SH3BGRL2: variants seen among roughly 807,000 people sequenced by gnomAD.
SH3BGRL2 encodes the protein SH3 domain binding glutamate rich protein like 2.
Under a neutral mutation model 14.8 loss-of-function variants are expected in SH3BGRL2, and 21 were observed. The ratio of observed to expected loss-of-function variants is 1.42; its 90% confidence interval spans 1.01 to 2.05. SH3BGRL2 has a LOEUF of 2.05. SH3BGRL2 is among the 30% of genes most tolerant of loss of function. The pLI is 0.00. For missense variants in SH3BGRL2, 147 were observed against 130.8 expected (o/e 1.12, Z -0.61); for synonymous variants, 50 against 47.8 (o/e 1.05, Z -0.19).
chr6:79,692,932 A>G (rs543253118), intron 2 of SH3BGRL2, among the ~76,000 whole-genome samples: 2 of 152,282 alleles, frequency 1.3e-5, no homozygotes, highest in South Asian at 2.1e-4. Context: ...CATTTAATCT[A>G]TAAATTACCT....
chr6:79,561,375 A>T, the SH3BGRL2 span: 1 of 152,278 alleles, frequency 6.6e-6, no homozygotes, highest in African/African-American at 2.4e-5. Flanking sequence ...GAGTTGGGAA[A>T]ATAGAGAACA....
At chr6:79,579,909 C>T in the SH3BGRL2 span, among the ~76,000 whole-genome samples, 578 of 152,188 alleles carry the variant, frequency 3.8e-3, 7 homozygotes, top group African/African-American at 0.013. Flanking sequence ...ACCCATCTCA[C>T]GTGCAGAGAC....
chr6:79,657,375 G>A (rs1405586551), intron 1 of SH3BGRL2, among the ~76,000 whole-genome samples: 1 of 152,090 alleles, frequency 6.6e-6, no homozygotes, highest in East Asian at 1.9e-4. Flanking sequence ...CCAGTATTTG[G>A]TAGCTGAAGG....
the SH3BGRL2 span, among the ~76,000 whole-genome samples, chr6:79,587,744 T>C: frequency 6.6e-6 from 1 of 152,244 alleles, no homozygotes; most frequent in Non-Finnish European, 1.5e-5. Context: ...CACATTTTAC[T>C]TGATGTCAAT....
the SH3BGRL2 span, among the ~76,000 whole-genome samples, chr6:79,563,194 G>T: frequency 6.6e-6 from 1 of 150,988 alleles, no homozygotes; most frequent in Admixed American, 6.6e-5. Context: ...AGCCAGGATG[G>T]TCTTGATCTC....
At chr6:79,583,960 T>C in the SH3BGRL2 span, among the ~76,000 whole-genome samples, 1 of 152,178 alleles carries the variant, frequency 6.6e-6, no homozygotes, top group Non-Finnish European at 1.5e-5. Flanking sequence ...CGGATCTAAT[T>C]GTCACTATTT....
chr6:79,661,814 C>T (rs893491136), intron 1 of SH3BGRL2, among the ~76,000 whole-genome samples: 3 of 152,104 alleles, frequency 2.0e-5, no homozygotes, highest in Admixed American at 2.0e-4. Flanking sequence ...TCTGGGTGCT[C>T]CTGTATTGGA....
chr6:79,702,682 T>TGAG lies in SH3BGRL2; in HGVS notation c.*3175_*3177dup, dbSNP rs376664590. The TGAG allele has an allele frequency of 2.0e-5, 3 of 152,324 alleles. No homozygotes were observed. The highest frequency in any genetic ancestry group is 2.9e-5 in the Non-Finnish European group (2 of 68,036). The allele number at this position is 152,324 out of a possible 1,614,324, so 9.4% of individuals were successfully genotyped here. On this transcript the variant is annotated 3_prime_UTR_variant, in exon 4 of 4. Transcript: ENST00000369838. Reference sequence around the variant, plus strand: ...GTGTGATCATTCAAGGAGCCAGACATGAGGTCCTGCACGAGGGTGTTGGGA... The same window carrying TGAG: ...GTGTGATCATTCAAGGAGCCAGACATGAGGAGGTCCTGCACGAGGGTGTTGGGA...
the SH3BGRL2 span, among the ~76,000 whole-genome samples, chr6:79,570,427 A>C: frequency 6.6e-6 from 1 of 152,218 alleles, no homozygotes; most frequent in Non-Finnish European, 1.5e-5. Context: ...AACAAATTGC[A>C]CATTGGACTA....
rs1354278046 is a variant in SH3BGRL2, at chr6:79,631,480, A to G, written c.19A>G (p.Ile7Val). 1.3e-6 allele frequency: 2 copies of G among 1,503,474 alleles called. No individual in the cohort carries two copies. The highest frequency in any genetic ancestry group is 2.9e-5 in the African/African-American group (2 of 69,640). 93.1% of individuals were successfully genotyped at this position (1,503,474 alleles called of 1,614,324 possible). MVIRVFIASSSGFVAIK... is the reference protein window; with the variant it reads MVIRVFVASSSGFVAIK... ...CGAGAGGATGGTCATCCGCGTGTTC[A>G]TCGCCTCTTCCTCGGGCTTCGTGGC... The change falls in exon 1 of 4, where the codon ATC becomes GTC. Residue 7 changes from isoleucine (I) to valine (V), a missense_variant. Transcript: ENST00000369838.
chr6:79,696,551 C>T lies in SH3BGRL2; in HGVS notation c.298C>T (p.Arg100Trp), dbSNP rs375447286. ...CTTTTCATTTTTAGGCCTGAAACCA[C>T]GGTTGGCATCAAAGGTAGGTAAATC... ...TVFSFLGLKP[R>W]LASKAEP Residue 100 changes from arginine to tryptophan, a missense_variant, in exon 3 of 4, where the codon CGG (arginine) becomes TGG (tryptophan). Transcript: ENST00000369838. 133 of 1,563,602 alleles carry T rather than the reference C, an allele frequency of 8.5e-5. 1 individual carries two copies. Among genetic ancestry groups the T allele is most frequent in the Middle Eastern group, 8.4e-4 (5 of 5,934 alleles).
chr6:79,676,633 G>T (rs1313433103), intron 2 of SH3BGRL2, among the ~76,000 whole-genome samples: 1 of 129,978 alleles, frequency 7.7e-6, no homozygotes, highest in Non-Finnish European at 1.7e-5. Flanking sequence ...GTGTGTGTGT[G>T]TGTGTGTATA....
At chr6:79,665,291 A>G (rs1447757195) in intron 1 of SH3BGRL2, among the ~76,000 whole-genome samples, 1 of 152,240 alleles carries the variant, frequency 6.6e-6, no homozygotes, top group Non-Finnish European at 1.5e-5. Flanking sequence ...GTTTAAATAC[A>G]TTAGCATAAG....
chr6:79,653,860 C>T (rs980225), intron 1 of SH3BGRL2, among the ~76,000 whole-genome samples: 1 of 152,130 alleles, frequency 6.6e-6, no homozygotes, highest in Non-Finnish European at 1.5e-5. Flanking sequence ...TGCATTGTCC[C>T]GCTGGCTAGC....
chr6:79,628,949 AG>A (rs1483687379), upstream of SH3BGRL2, among the ~76,000 whole-genome samples: 2 of 152,354 alleles, frequency 1.3e-5, no homozygotes, highest in East Asian at 3.9e-4. Context: ...GCAGGGATAT[AG>A]GAACAGGTTG....
intron 1 of SH3BGRL2, among the ~76,000 whole-genome samples, chr6:79,660,575 A>G (rs1769524012): frequency 6.6e-6 from 1 of 152,140 alleles, no homozygotes; most frequent in Admixed American, 6.6e-5. Context: ...ATCGATGTTC[A>G]TCAGGGATAT....
chr6:79,563,001 GC>G, the SH3BGRL2 span, among the ~76,000 whole-genome samples: 1 of 152,150 alleles, frequency 6.6e-6, no homozygotes, highest in Admixed American at 6.5e-5. Flanking sequence ...TGTCACCCAG[GC>G]TGGAGTGCAG....
chr6:79,538,021 T>TG, the SH3BGRL2 span, among the ~76,000 whole-genome samples: 3 of 62,942 alleles, frequency 4.8e-5, no homozygotes, highest in South Asian at 2.0e-3. Context: ...CACACAAGTT[T>TG]TTTTTTTTTT....
chr6:79,616,301 C>A, the SH3BGRL2 span, among the ~76,000 whole-genome samples: 6 of 152,190 alleles, frequency 3.9e-5, no homozygotes, highest in Non-Finnish European at 8.8e-5. Context: ...AACAGGAACC[C>A]ATTTGCATTA....
Sources: gnomAD v4.1 joint callset for allele counts (sites outside exome capture counted in the v4.1 genomes callset) on GRCh38, gnomAD v4.1.1 for gene constraint, MANE v1.5 for transcripts, NCBI Gene and HGNC (gene_info 2026-07-23, HGNC 2026-07-21) for gene names.